Variants in ANXA9 observed in about 807,000 individuals in gnomAD.
The protein encoded by ANXA9 is annexin A9.
Under a neutral mutation model 51.8 loss-of-function variants are expected in ANXA9, and 47 were observed. That is an observed-to-expected ratio of 0.91 (90% CI 0.72 to 1.16). ANXA9 has a LOEUF of 1.16. Among genes scored for constraint, ANXA9 ranks in the 50% most tolerant of loss-of-function variants. The pLI is 0.00. For synonymous variants in ANXA9, 154 were observed against 168.7 expected (o/e 0.91, Z 0.68); for missense variants, 361 against 424.7 (o/e 0.85, Z 1.32).
chr1:150,984,809 C>A lies in ANXA9; in HGVS notation c.472+133C>A, dbSNP rs950351609. 9 of 666,050 alleles carry A rather than the reference C, an allele frequency of 1.4e-5. No individual in the cohort carries two copies. In the African/African-American group the frequency reaches 1.5e-4, roughly 11 times the overall value. 41.3% of individuals were successfully genotyped at this position (666,050 alleles called of 1,614,324 possible). A position where few individuals can be genotyped will look rare whatever the true frequency, so the allele number is the denominator to read the frequency against. On this transcript the variant is annotated intron_variant, in intron 7 of 13. Transcript: ENST00000368947. ...AAGTTCTATTCCCTTGGGGTCTTTC[C>A]TCTTGCCCCCACCAGTGCCTCAGTC...
At chr1:150,990,940 C>T (rs1209783618) in intron 12 of ANXA9, among the ~76,000 whole-genome samples, 8 of 152,080 alleles carry the variant, frequency 5.3e-5, no homozygotes, top group South Asian at 2.1e-4. Flanking sequence ...GTCAGGAGAT[C>T]GAGACCATCC....
In ANXA9 at chr1:150,987,852, G is replaced by T; in HGVS notation, c.613-20G>T. ...CAATGATCCTGATTGACTCCTCCCTGACTCATTCCTCCCTCCTAGGCACTG... is the reference window on the plus strand; with the variant it reads ...CAATGATCCTGATTGACTCCTCCCTTACTCATTCCTCCCTCCTAGGCACTG... On this transcript the variant is annotated intron_variant, in intron 9 of 13. Transcript: ENST00000368947. 6.2e-7 allele frequency: 1 copy of T among 1,609,904 alleles called. No homozygotes were observed. Among genetic ancestry groups the T allele is most frequent in the Non-Finnish European group, 8.5e-7 (1 of 1,177,186 alleles).
intron 12 of ANXA9, among the ~76,000 whole-genome samples, chr1:150,992,456 G>A (rs1671729488): frequency 6.6e-6 from 1 of 152,170 alleles, no homozygotes; most frequent in Non-Finnish European, 1.5e-5. Flanking sequence ...GGCTGAGATA[G>A]GAGAATTGCT....
intron 12 of ANXA9, 142 bp from the exon 13 acceptor site, chr1:150,994,435 C>T: frequency 7.6e-7 from 1 of 1,314,872 alleles, no homozygotes; most frequent in East Asian, 2.4e-5. Context: ...TAACTTTTGT[C>T]CCGAGATAAT....
chr1:150,983,039 C>T, intron 2 of ANXA9, 51 bp from the exon 3 acceptor site: 1 of 1,453,772 alleles, frequency 6.9e-7, no homozygotes, highest in Non-Finnish European at 9.5e-7. Flanking sequence ...CATAAGGAGT[C>T]CCTGAAGGGC....
rs1671789791 is a variant in ANXA9, at chr1:150,994,678, G to T, written c.954G>T (p.Lys318Asn). 6.2e-7 allele frequency: 1 copy of T among 1,614,092 alleles called. No individual in the cohort carries two copies. The highest frequency in any genetic ancestry group is 8.5e-7 in the Non-Finnish European group (1 of 1,179,970). The change falls in exon 13 of 14, where the codon AAG (lysine) becomes AAT (asparagine). Residue 318 changes from lysine (K) to asparagine (N), a missense_variant. Physicochemically the swap from Lys to Asn is moderately conservative, Grantham distance 94. Transcript: ENST00000368947. ...CTGAGTTCAGGAAGAAATTTGGGAA[G>T]TCCCTCTACTCTTCTCTCCAGGTGA... Reference protein sequence around the residue: ...IRAEFRKKFGKSLYSSLQDAV... With the variant: ...IRAEFRKKFGNSLYSSLQDAV...
At position 150,995,475 on chromosome 1, in the gene ANXA9, A is replaced by C; in HGVS notation, c.*153A>C. On this transcript the variant is annotated 3_prime_UTR_variant, in exon 14 of 14. Transcript: ENST00000368947. ...GTTGAGGCTGGAACTGTTTCTTTAAAATCCCTTAATTTTCCCATCTCAAAA... is the reference window on the plus strand; with the variant it reads ...GTTGAGGCTGGAACTGTTTCTTTAACATCCCTTAATTTTCCCATCTCAAAA... The C allele has an allele frequency of 1.5e-6, 1 of 649,742 alleles. No individual in the cohort carries two copies. The highest frequency in any genetic ancestry group is 2.5e-6 in the Non-Finnish European group (1 of 398,872). 40.2% of individuals were successfully genotyped at this position (649,742 alleles called of 1,614,324 possible). A position where few individuals can be genotyped will look rare whatever the true frequency, so the allele number is the denominator to read the frequency against.
upstream of ANXA9, among the ~76,000 whole-genome samples, chr1:150,980,572 C>CTTTTTTTTTTTT (rs869295630): frequency 1.1e-5 from 1 of 89,062 alleles, no homozygotes; most frequent in Non-Finnish European, 2.0e-5. Flanking sequence ...ACACAGATTA[C>CTTTTTTTTTTTT]TTTTTTTTTT....
chr1:150,987,426 C>T (rs138389711), intron 9 of ANXA9, among the ~76,000 whole-genome samples: 5 of 150,756 alleles, frequency 3.3e-5, no homozygotes, highest in South Asian at 2.1e-4. Flanking sequence ...ACCTAGTTTA[C>T]GGGTTAAAAT....
rs780569300 is a variant in ANXA9 at position 150,994,548 on chromosome 1, T to C, written c.853-29T>C. The stretch of plus-strand genomic sequence containing the variant: ...TACTCTCAGTGAGACTCTCACTAAC[T>C]ACCCCCCATCTCTTTCTTCCCCTAC... On this transcript the variant is annotated intron_variant, in intron 12 of 13. Transcript: ENST00000368947. The C allele has an allele frequency of 3.1e-6, 5 of 1,612,512 alleles. No homozygotes were observed. In the Admixed American group the frequency reaches 8.3e-5, roughly 27 times the overall value.
chr1:150,978,014 T>C (rs1162673462), upstream of ANXA9, among the ~76,000 whole-genome samples: 7 of 151,974 alleles, frequency 4.6e-5, no homozygotes, highest in Non-Finnish European at 1.0e-4. Context: ...CACATGCCTG[T>C]AGTTCCAGCT....
intron 3 of ANXA9, 34 bp from the exon 4 acceptor site, chr1:150,983,304 C>A: frequency 6.2e-7 from 1 of 1,610,112 alleles, no homozygotes; most frequent in Non-Finnish European, 8.5e-7. Context: ...GCAGCCTGGC[C>A]CTGGCCCTTG....
rs1180598702 is a variant in ANXA9 at position 150,995,467 on chromosome 1, T to G, written c.*145T>G. The stretch of plus-strand genomic sequence containing the variant: ...AGCTTCTTGTTGAGGCTGGAACTGT[T>G]TCTTTAAAATCCCTTAATTTTCCCA... On this transcript the variant is annotated 3_prime_UTR_variant, in exon 14 of 14. Coordinates refer to ENST00000368947, the MANE Select transcript of ANXA9 (RefSeq NM_003568.3). 1.4e-6 allele frequency: 1 copy of G among 691,440 alleles called. No homozygotes were observed. Among genetic ancestry groups the G allele is most frequent in the African/African-American group, 1.9e-5 (1 of 53,462 alleles). 42.8% of individuals were successfully genotyped at this position (691,440 alleles called of 1,614,324 possible).
chr1:150,983,986 A>G lies in ANXA9; in HGVS notation c.184A>G (p.Ser62Gly), dbSNP rs763262952. The G allele has an allele frequency of 1.2e-6, 2 of 1,612,616 alleles. No homozygotes were observed. Among genetic ancestry groups the G allele is most frequent in the Non-Finnish European group, 1.7e-6 (2 of 1,179,572 alleles). The change falls in exon 5 of 14, where the codon AGT becomes GGT. Residue 62 changes from serine (S) to glycine (G), a missense_variant. Coordinates refer to ENST00000368947, the MANE Select transcript of ANXA9 (RefSeq NM_003568.3). ...RAITGQGVDR[S>G]AIVDVLTNRS... ...TCATCTCGGTTCAGGCGTGGACCGCAGTGCCATTGTGGACGTGCTGACCAA... is the reference window on the plus strand; with the variant it reads ...TCATCTCGGTTCAGGCGTGGACCGCGGTGCCATTGTGGACGTGCTGACCAA...
rs1255636526 is a variant in ANXA9, at chr1:150,988,350, G to C, written c.852+9G>C. The C allele has an allele frequency of 1.2e-6, 2 of 1,613,662 alleles. No individual in the cohort carries two copies. The highest frequency in any genetic ancestry group is 1.7e-6 in the Non-Finnish European group (2 of 1,179,976). On this transcript the variant is annotated intron_variant, in intron 12 of 13. Coordinates refer to ENST00000368947, the MANE Select transcript of ANXA9 (RefSeq NM_003568.3). Reference sequence around the variant, plus strand: ...TTCATCAAGCCCTCCAGGTGAGAGGGGCACTCCTTTCCCTCCCCAGAACAG... The same window carrying C: ...TTCATCAAGCCCTCCAGGTGAGAGGCGCACTCCTTTCCCTCCCCAGAACAG...
intron 10 of ANXA9, 61 bp from the exon 11 acceptor site, chr1:150,988,030 A>C: frequency 6.2e-7 from 1 of 1,613,838 alleles, no homozygotes; most frequent in Non-Finnish European, 8.5e-7. Context: ...GGGAGGGCCC[A>C]TCCTTTCCAG....
chr1:150,991,003 C>T (rs917301627), intron 12 of ANXA9, among the ~76,000 whole-genome samples: 16 of 151,514 alleles, frequency 1.1e-4, no homozygotes, highest in Admixed American at 6.6e-5. Flanking sequence ...ATTAGCCAGG[C>T]GTGGTAGCGG....
chr1:150,987,821 C>T (rs759227939), intron 9 of ANXA9, 51 bp from the exon 10 acceptor site: 2 of 1,515,250 alleles, frequency 1.3e-6, no homozygotes, highest in East Asian at 4.5e-5. Context: ...CTCCCTAGGC[C>T]CCAACCAATG....
intron 12 of ANXA9, among the ~76,000 whole-genome samples, 169 bp downstream of exon 12, chr1:150,988,510 G>A (rs1254466334): frequency 6.6e-6 from 1 of 152,140 alleles, no homozygotes; most frequent in African/African-American, 2.4e-5. Context: ...AATGAGCTGT[G>A]GTGAGAACTA....
Sources: allele counts gnomAD v4.1 joint callset (sites outside exome capture counted in the v4.1 genomes callset), GRCh38; gene constraint gnomAD v4.1.1; transcripts MANE v1.5; gene names NCBI Gene and HGNC (gene_info 2026-07-23, HGNC 2026-07-21).